PTPRT: variants seen among roughly 807,000 people sequenced by gnomAD.
The protein encoded by PTPRT is protein tyrosine phosphatase receptor type T.
PTPRT carries 56 observed loss-of-function variants against 176.8 expected under a neutral mutation model. That is an observed-to-expected ratio of 0.32 (90% CI 0.26 to 0.40). The LOEUF is 0.40. PTPRT is among the 10% of genes least tolerant of loss of function. PTPRT has a pLI of 1.00. For synonymous variants in PTPRT, 783 were observed against 739.0 expected (o/e 1.06, Z -0.96); for missense variants, 1,540 against 1,908.2 (o/e 0.81, Z 3.60).
intron 6 of PTPRT, among the ~76,000 whole-genome samples, chr20:42,680,000 A>G (rs1181352897): frequency 6.6e-6 from 1 of 152,244 alleles, no homozygotes. Context: ...GGGCAGGCAC[A>G]GAGGAGGCAT....
chr20:42,143,059 G>C (rs1276581216), intron 17 of PTPRT, among the ~76,000 whole-genome samples: 1 of 152,202 alleles, frequency 6.6e-6, no homozygotes, highest in African/African-American at 2.4e-5. Flanking sequence ...GAAGTATCTA[G>C]AGCGGATGGG....
chr20:42,366,021 T>C (rs1013070510), intron 9 of PTPRT, among the ~76,000 whole-genome samples: 1 of 152,238 alleles, frequency 6.6e-6, no homozygotes, highest in Non-Finnish European at 1.5e-5. Flanking sequence ...ACGTGCTCTC[T>C]GCCCATGACT....
Position 43,138,716 on chromosome 20 carries a change from G to A in PTPRT, c.88+50930C>T, listed in dbSNP as rs559592542. The stretch of plus-strand genomic sequence containing the variant: ...TACCCGGGGATTCAGTCTAAGTGGA[G>A]CCTCCCTCTTACCCTTCCCAGCCTA... On this transcript the variant is annotated intron_variant, in intron 1 of 30. Transcript: ENST00000373187. Among the ~76,000 whole-genome samples, 403 of 152,244 alleles carry A rather than the reference G, an allele frequency of 2.6e-3. 3 individuals are homozygous for A. Among genetic ancestry groups the A allele is most frequent in the South Asian group, 0.011 (53 of 4,818 alleles).
At chr20:43,075,092 T>A (rs966165103) in intron 1 of PTPRT, among the ~76,000 whole-genome samples, 2 of 152,208 alleles carry the variant, frequency 1.3e-5, no homozygotes, top group African/African-American at 2.4e-5. Flanking sequence ...GTGTTTTGTT[T>A]TTCTCCAGGC....
chr20:42,315,827 A>T lies in PTPRT; in HGVS notation c.2035T>A (p.Phe679Ile). Residue 679 changes from phenylalanine (F) to isoleucine (I), a missense_variant, in exon 12 of 31, where the codon TTT becomes ATT. By Grantham distance (21) the Phe-to-Ile change is conservative. This residue lies in a region of PTPRT where 81 missense variants were observed against 89.9 expected (regional missense o/e 0.90). Coordinates refer to ENST00000373187, the MANE Select transcript of PTPRT (RefSeq NM_007050.6). ...KPANLPVTQP[F>I]TVGDNKTYNG... Reference sequence around the variant, plus strand: ...TATGTCTTATTGTCACCCACTGTAAATGGCTGGGTGACAGGCAGGTTGGCA... The same window carrying T: ...TATGTCTTATTGTCACCCACTGTAATTGGCTGGGTGACAGGCAGGTTGGCA... The T allele has an allele frequency of 6.2e-7, 1 of 1,614,088 alleles. No homozygotes were observed. Among genetic ancestry groups the T allele is most frequent in the Non-Finnish European group, 8.5e-7 (1 of 1,179,964 alleles).
chr20:42,109,628 C>CT (rs528945056), intron 23 of PTPRT, among the ~76,000 whole-genome samples: 21 of 152,254 alleles, frequency 1.4e-4, no homozygotes, highest in African/African-American at 5.1e-4. Context: ...TGTCAAGGAG[C>CT]TGAGGGCAAG....
chr20:43,089,007 T>C (rs779265819), intron 1 of PTPRT, among the ~76,000 whole-genome samples: 9 of 152,144 alleles, frequency 5.9e-5, no homozygotes, highest in Non-Finnish European at 1.2e-4. Context: ...ATAGAGTTAT[T>C]AATCCCTCCC....
At chr20:42,374,746 T>C (rs1259819611) in intron 9 of PTPRT, among the ~76,000 whole-genome samples, 1 of 152,158 alleles carries the variant, frequency 6.6e-6, no homozygotes, top group East Asian at 1.9e-4. Flanking sequence ...TTCTAAACAG[T>C]AAAGATAATT....
Position 42,802,143 on chromosome 20 carries a change from G to A in PTPRT, c.215-10677C>T, listed in dbSNP as rs144896528. Among the ~76,000 whole-genome samples the A allele has an allele frequency of 3.1e-4, 47 of 152,304 alleles. 1 individual carries two copies. The East Asian group carries it at 9.1e-3, about 29-fold the overall frequency. On this transcript the variant is annotated intron_variant, in intron 2 of 30. Coordinates refer to ENST00000373187, the MANE Select transcript of PTPRT (RefSeq NM_007050.6). Reference sequence around the variant, plus strand: ...TCCCATACCCAGTAGATTTGGGGTGGAGTCCAAGAATCTGCACTTCTAACA... The same window carrying A: ...TCCCATACCCAGTAGATTTGGGGTGAAGTCCAAGAATCTGCACTTCTAACA...
At chr20:42,392,882 G>C (rs1037957378) in intron 9 of PTPRT, among the ~76,000 whole-genome samples, 10 of 152,094 alleles carry the variant, frequency 6.6e-5, no homozygotes, top group African/African-American at 2.4e-4. Context: ...AAAAGCATAC[G>C]CATCTATTTA....
chr20:42,373,489 T>G (rs2058613760), intron 9 of PTPRT, among the ~76,000 whole-genome samples: 1 of 152,330 alleles, frequency 6.6e-6, no homozygotes, highest in African/African-American at 2.4e-5. Context: ...CCTTTTTGAT[T>G]GTCACATCCC....
intron 7 of PTPRT, among the ~76,000 whole-genome samples, chr20:42,531,056 G>A (rs1056073187): frequency 1.3e-5 from 2 of 152,222 alleles, no homozygotes; most frequent in African/African-American, 4.8e-5. Context: ...GTGGTATGGA[G>A]ATGTGACCCA....
chr20:42,118,020 G>C (rs1987381854), intron 21 of PTPRT, among the ~76,000 whole-genome samples: 1 of 152,174 alleles, frequency 6.6e-6, no homozygotes, highest in Admixed American at 6.5e-5. Context: ...GGAAACAGTT[G>C]ACATTCGACC....
chr20:42,809,694 T>G, intron 2 of PTPRT, among the ~76,000 whole-genome samples: 1 of 152,154 alleles, frequency 6.6e-6, no homozygotes, highest in Admixed American at 6.5e-5. Context: ...AGGTCGTCTC[T>G]GCCTCTGTTT....
intron 8 of PTPRT, among the ~76,000 whole-genome samples, chr20:42,462,078 T>A (rs184376876): frequency 7.2e-5 from 11 of 151,758 alleles, no homozygotes; most frequent in African/African-American, 2.4e-5. Context: ...AAATGGTTCA[T>A]CCATAGAAAC....
intron 27 of PTPRT, among the ~76,000 whole-genome samples, chr20:42,089,092 G>A (rs1479186945): frequency 6.6e-6 from 1 of 151,654 alleles, no homozygotes; most frequent in Non-Finnish European, 1.5e-5. Context: ...TAGTGAGAAA[G>A]GAGCTCTGAG....
rs533266117 is a variant in PTPRT at position 42,076,005 on chromosome 20, T to C, written c.*4874A>G. On this transcript the variant is annotated 3_prime_UTR_variant, in exon 31 of 31. Coordinates refer to ENST00000373187, the MANE Select transcript of PTPRT (RefSeq NM_007050.6). ...TCACTGGGTTCCAGTTTCCTGGCCTTGCGTTCCTGTTTTCCTGCCTAAAGT... is the reference window on the plus strand; with the variant it reads ...TCACTGGGTTCCAGTTTCCTGGCCTCGCGTTCCTGTTTTCCTGCCTAAAGT... The C allele has an allele frequency of 1.8e-5, 4 of 223,910 alleles. No homozygotes were observed. The highest frequency in any genetic ancestry group is 6.5e-5 in the East Asian group (1 of 15,490). The allele number at this position is 223,910 out of a possible 1,614,324, so 13.9% of individuals were successfully genotyped here. A position where few individuals can be genotyped will look rare whatever the true frequency, so the allele number is the denominator to read the frequency against.
chr20:42,242,845 G>A (rs953651856), intron 14 of PTPRT, among the ~76,000 whole-genome samples: 2 of 152,084 alleles, frequency 1.3e-5, no homozygotes, highest in Non-Finnish European at 2.9e-5. Context: ...TGGAGAAGAA[G>A]CCATTGAAGG....
intron 1 of PTPRT, among the ~76,000 whole-genome samples, chr20:43,106,794 C>G (rs1030609063): frequency 6.6e-5 from 10 of 150,634 alleles, no homozygotes; most frequent in Admixed American, 5.9e-4. Flanking sequence ...ATATTTTTAA[C>G]TTTCTTTTTT....
Sources: gnomAD v4.1 joint callset for allele counts (sites outside exome capture counted in the v4.1 genomes callset) on GRCh38, gnomAD v4.1.1 for gene constraint, gnomAD v4.1.1 regional missense constraint, MANE v1.5 for transcripts, NCBI Gene and HGNC (gene_info 2026-07-23, HGNC 2026-07-21) for gene names.